The following CYTH1 variants were observed in gnomAD, a reference collection of about 807,000 sequenced individuals.
CYTH1 encodes cytohesin 1, also known as cytohesin-1.
Under a neutral mutation model 61.8 loss-of-function variants are expected in CYTH1, and 18 were observed. The observed-to-expected ratio is 0.29, with a 90% CI of 0.20 to 0.43. CYTH1 has a LOEUF of 0.43. Among genes scored for constraint, CYTH1 ranks in the 20% least tolerant of loss-of-function variants. CYTH1 has a pLI of 1.00. For synonymous variants in CYTH1, 174 were observed against 184.3 expected, an observed-to-expected ratio of 0.94 and a Z score of 0.45; for missense variants, 336 against 510.5, an observed-to-expected ratio of 0.66 and a Z score of 3.29.
At chr17:78,746,937 C>CT (rs1598905003) in intron 1 of CYTH1, among the ~76,000 whole-genome samples, 1 of 151,818 alleles carries the variant, frequency 6.6e-6, no homozygotes, top group Admixed American at 6.6e-5. Flanking sequence ...GAGTCAGACT[C>CT]TGTCTCAAAA....
intron 1 of CYTH1, among the ~76,000 whole-genome samples, chr17:78,772,938 T>C (rs1567886693): frequency 6.6e-6 from 1 of 152,138 alleles, no homozygotes; most frequent in Non-Finnish European, 1.5e-5. Flanking sequence ...CAAGCGATTC[T>C]AGTGACTCAG....
At chr17:78,764,004 G>A (rs1221669205) in intron 1 of CYTH1, among the ~76,000 whole-genome samples, 1 of 151,882 alleles carries the variant, frequency 6.6e-6, no homozygotes, top group South Asian at 2.1e-4. Context: ...CCAGCTACTC[G>A]GGAGGCTCAG....
intron 10 of CYTH1, among the ~76,000 whole-genome samples, chr17:78,694,540 T>A (rs551123508): frequency 3.2e-4 from 49 of 152,204 alleles, no homozygotes; most frequent in Non-Finnish European, 6.3e-4. Flanking sequence ...AATTTGTTCT[T>A]AAAAAGGAAC....
intron 1 of CYTH1, among the ~76,000 whole-genome samples, chr17:78,719,484 G>A (rs1448334086): frequency 6.6e-6 from 1 of 152,202 alleles, no homozygotes; most frequent in Non-Finnish European, 1.5e-5. Context: ...ATTACTGCAA[G>A]TGGAGAATGG....
intron 1 of CYTH1, among the ~76,000 whole-genome samples, chr17:78,720,159 A>G (rs2093215799): frequency 6.6e-6 from 1 of 152,152 alleles, no homozygotes; most frequent in Non-Finnish European, 1.5e-5. Context: ...AAAAAGTTCT[A>G]GAGACTGGAT....
At position 78,772,758 on chromosome 17, in the gene CYTH1, G is replaced by A. The variant is rs8070575; in HGVS notation, c.22+9444C>T. Among the ~76,000 whole-genome samples, 854 of 151,882 alleles carry A rather than the reference G, an allele frequency of 5.6e-3. 4 individuals are homozygous for A. The highest frequency in any genetic ancestry group is 0.019 in the African/African-American group (798 of 41,402). On this transcript the variant is annotated intron_variant, in intron 1 of 13. Transcript: ENST00000446868. ...TCACAATGTTGGCCAGGATGGTCTC[G>A]ATCTCTTGACCTCATGATCCGGCCA...
intron 13 of CYTH1, among the ~76,000 whole-genome samples, chr17:78,678,786 A>C (rs1352215276): frequency 6.6e-6 from 1 of 152,176 alleles, no homozygotes; most frequent in East Asian, 1.9e-4. Flanking sequence ...TGCCCACTAC[A>C]CAATCTCATT....
At chr17:78,685,445 G>A (rs2092807042) in intron 11 of CYTH1, among the ~76,000 whole-genome samples, 1 of 150,686 alleles carries the variant, frequency 6.6e-6, no homozygotes, top group Admixed American at 6.6e-5. Flanking sequence ...TTATATTTAA[G>A]CATATTTTAG....
chr17:78,711,028 C>T (rs1330530940), intron 1 of CYTH1, among the ~76,000 whole-genome samples: 5 of 151,902 alleles, frequency 3.3e-5, no homozygotes, highest in Non-Finnish European at 7.4e-5. Context: ...TTTGAGAGGC[C>T]GGGGCGGGCA....
At chr17:78,724,729 T>C (rs568151676) in intron 1 of CYTH1, among the ~76,000 whole-genome samples, 52 of 152,286 alleles carry the variant, frequency 3.4e-4, no homozygotes, top group Admixed American at 3.3e-4. Context: ...CTCCTGCCGT[T>C]AGGAAATCAG....
intron 13 of CYTH1, among the ~76,000 whole-genome samples, chr17:78,679,145 AC>A (rs2092731608): frequency 6.6e-6 from 1 of 152,244 alleles, no homozygotes; most frequent in Non-Finnish European, 1.5e-5. Flanking sequence ...ACCCTCGGGA[AC>A]GGGGCTGTAG....
chr17:78,697,609 A>G (rs2144248536), intron 9 of CYTH1, among the ~76,000 whole-genome samples: 1 of 151,818 alleles, frequency 6.6e-6, no homozygotes, highest in South Asian at 2.1e-4. Context: ...AGGGGAAAAA[A>G]AAAAGAAAAA....
chr17:78,737,800 T>G lies in CYTH1; in HGVS notation c.23-28068A>C, dbSNP rs59010761. The stretch of plus-strand genomic sequence containing the variant: ...TAATCCTATCACCAAGAGATAGCCA[T>G]TGGTGACATTTTGGTAGACATTTTC... On this transcript the variant is annotated intron_variant, in intron 1 of 13. Coordinates refer to ENST00000446868, the MANE Select transcript of CYTH1 (RefSeq NM_004762.6). Among the ~76,000 whole-genome samples the G allele has an allele frequency of 2.2e-3, 339 of 152,206 alleles. 2 individuals are homozygous for G. Among genetic ancestry groups the G allele is most frequent in the African/African-American group, 7.0e-3 (289 of 41,504 alleles).
chr17:78,732,075 C>T (rs905436148), intron 1 of CYTH1, among the ~76,000 whole-genome samples: 7 of 152,232 alleles, frequency 4.6e-5, no homozygotes, highest in African/African-American at 1.7e-4. Flanking sequence ...AGGGCCACTC[C>T]TGCTCCAACT....
intron 1 of CYTH1, among the ~76,000 whole-genome samples, chr17:78,777,190 C>T (rs886800482): frequency 2.2e-4 from 33 of 151,026 alleles, no homozygotes; most frequent in African/African-American, 3.6e-4. Flanking sequence ...CTTTGGGAGG[C>T]GGATGGATCA....
intron 12 of CYTH1, 97 bp from the exon 13 acceptor site, chr17:78,680,441 T>G: frequency 7.6e-7 from 1 of 1,313,920 alleles, no homozygotes. Context: ...TCTTCTGACC[T>G]TCACAAAATA....
chr17:78,731,587 G>A (rs373356984), intron 1 of CYTH1, among the ~76,000 whole-genome samples: 3 of 151,780 alleles, frequency 2.0e-5, no homozygotes, highest in East Asian at 1.9e-4. Context: ...GTGAAACCCC[G>A]TCTCTACTAA....
chr17:78,695,378 C>T (rs2144218022), intron 10 of CYTH1, among the ~76,000 whole-genome samples: 1 of 152,232 alleles, frequency 6.6e-6, no homozygotes, highest in Non-Finnish European at 1.5e-5. Context: ...TTGGTTTGGA[C>T]TTGTTTTTTT....
intron 1 of CYTH1, among the ~76,000 whole-genome samples, chr17:78,743,211 A>T (rs1049370201): frequency 1.3e-5 from 2 of 152,250 alleles, no homozygotes; most frequent in African/African-American, 4.8e-5. Flanking sequence ...AGCCAGGAAG[A>T]ATATATACTA....
Sources: allele counts gnomAD v4.1 joint callset (sites outside exome capture counted in the v4.1 genomes callset), GRCh38; gene constraint gnomAD v4.1.1; transcripts MANE v1.5; gene names NCBI Gene and HGNC (gene_info 2026-07-23, HGNC 2026-07-21).